The following PARP11 variants were observed in gnomAD, a reference collection of about 807,000 sequenced individuals.
PARP11 encodes poly(ADP-ribose) polymerase family member 11.
A neutral mutation model predicts 42.9 loss-of-function variants in PARP11; 31 were observed. The ratio of observed to expected loss-of-function variants is 0.72; its 90% CI spans 0.54 to 0.98. The LOEUF (loss-of-function observed/expected upper bound fraction) is 0.98, where lower values mean the gene tolerates loss of function less well. Among genes scored for constraint, PARP11 ranks in the 50% least tolerant of loss-of-function variants. PARP11 has a pLI of 0.00. For missense variants in PARP11, 365 were observed against 413.1 expected (o/e 0.88, Z 1.01); for synonymous variants, 137 against 127.3 (o/e 1.08, Z -0.51).
At position 3,868,215 on chromosome 12, in the gene PARP11, C is replaced by A. The variant is rs1328645383; in HGVS notation, c.18+4997G>T. On this transcript the variant is annotated intron_variant, in intron 1 of 7. Transcript: ENST00000228820. Reference sequence around the variant, plus strand: ...GTGGTTCACGACTGTAATCCCACCACTTTGGGAGGCCTAGGCGGGTGGATC... The same window carrying A: ...GTGGTTCACGACTGTAATCCCACCAATTTGGGAGGCCTAGGCGGGTGGATC... 3.3e-5 allele frequency among the ~76,000 whole-genome samples: 5 copies of A among 152,178 alleles called. No homozygotes were observed. The East Asian group carries it at 9.6e-4, about 29-fold the overall frequency.
chr12:3,847,577 T>C (rs571331977), intron 1 of PARP11, among the ~76,000 whole-genome samples: 1 of 152,246 alleles, frequency 6.6e-6, no homozygotes, highest in South Asian at 2.1e-4. Context: ...AAAAACCATA[T>C]AATCATTTTA....
intron 1 of PARP11, chr12:3,839,344 G>T (rs1333571196): frequency 3.9e-5 from 60 of 1,534,246 alleles, no homozygotes; most frequent in Non-Finnish European, 5.1e-5. Flanking sequence ...GGACCAGGGC[G>T]GCGCGGGGCC....
At chr12:3,842,204 C>A in intron 1 of PARP11, 3 of 1,607,646 alleles carry the variant, frequency 1.9e-6, no homozygotes, top group Non-Finnish European at 2.6e-6. Context: ...CTGGGGCCAA[C>A]TCTGTGGATA....
At chr12:3,829,058 T>C (rs992459129) in intron 2 of PARP11, 28 bp from the exon 3 acceptor site, 1 of 1,612,886 alleles carries the variant, frequency 6.2e-7, no homozygotes, top group East Asian at 2.2e-5. Context: ...AAGTTTCATT[T>C]ACCAGCTGTT....
At chr12:3,824,832 T>TTA (rs1947483691) in intron 4 of PARP11, among the ~76,000 whole-genome samples, 1 of 152,248 alleles carries the variant, frequency 6.6e-6, no homozygotes, top group South Asian at 2.1e-4. Context: ...TAAGTAATTC[T>TTA]TTTATTATAT....
intron 1 of PARP11, among the ~76,000 whole-genome samples, chr12:3,837,621 G>C (rs892520479): frequency 1.3e-5 from 2 of 151,836 alleles, no homozygotes; most frequent in Non-Finnish European, 2.9e-5. Flanking sequence ...AATGCAAATG[G>C]ACTCGCTTCT....
At chr12:3,846,064 A>G (rs1461613629) in intron 1 of PARP11, among the ~76,000 whole-genome samples, 1 of 152,092 alleles carries the variant, frequency 6.6e-6, no homozygotes, top group Non-Finnish European at 1.5e-5. Flanking sequence ...AAGTATATAT[A>G]CGTATCTTTT....
intron 1 of PARP11, chr12:3,839,484 T>C: frequency 6.2e-7 from 1 of 1,611,994 alleles, no homozygotes; most frequent in Non-Finnish European, 8.5e-7. Context: ...AGTCTCGCCA[T>C]GTTGAAGTCA....
At chr12:3,843,332 C>T (rs1565543597) in intron 1 of PARP11, among the ~76,000 whole-genome samples, 1 of 152,170 alleles carries the variant, frequency 6.6e-6, no homozygotes, top group Non-Finnish European at 1.5e-5. Flanking sequence ...AAATAATCTG[C>T]ATCAGTCAGA....
At chr12:3,869,990 C>T (rs1327278195) in intron 1 of PARP11, among the ~76,000 whole-genome samples, 3 of 152,104 alleles carry the variant, frequency 2.0e-5, no homozygotes, top group Admixed American at 6.6e-5. Context: ...AGGGATGATT[C>T]GTGGCCCCAG....
intron 2 of PARP11, among the ~76,000 whole-genome samples, 190 bp downstream of exon 2, chr12:3,829,700 T>C (rs1433995274): frequency 6.6e-6 from 1 of 152,214 alleles, no homozygotes; most frequent in Non-Finnish European, 1.5e-5. Context: ...TCTAAATAAA[T>C]GAGTGTGAAA....
chr12:3,826,715 G>C (rs1039339920), intron 3 of PARP11, among the ~76,000 whole-genome samples: 2 of 152,114 alleles, frequency 1.3e-5, no homozygotes, highest in African/African-American at 4.8e-5. Flanking sequence ...TACATTTCCT[G>C]ATTTCTCTTT....
chr12:3,853,369 T>A (rs181034391), intron 1 of PARP11, among the ~76,000 whole-genome samples: 1 of 152,146 alleles, frequency 6.6e-6, no homozygotes, highest in African/African-American at 2.4e-5. Flanking sequence ...GACCCATCAG[T>A]GTGCTGCATT....
intron 1 of PARP11, among the ~76,000 whole-genome samples, chr12:3,854,004 T>A (rs1948146517): frequency 6.6e-6 from 1 of 152,204 alleles, no homozygotes; most frequent in Non-Finnish European, 1.5e-5. Context: ...CACAACTGCA[T>A]GGAAACTGAA....
intron 1 of PARP11, among the ~76,000 whole-genome samples, chr12:3,859,986 G>A (rs557663354): frequency 5.9e-5 from 9 of 152,308 alleles, no homozygotes; most frequent in African/African-American, 2.2e-4. Context: ...CTGAAGGAGT[G>A]GCCTGGGTCC....
intron 1 of PARP11, chr12:3,841,774 C>G: frequency 6.2e-7 from 1 of 1,612,180 alleles, no homozygotes; most frequent in South Asian, 1.1e-5. Context: ...GTACCCTTTT[C>G]AGGGATTCAT....
chr12:3,829,161 C>T, intron 2 of PARP11, 131 bp from the exon 3 acceptor site: 1 of 864,296 alleles, frequency 1.2e-6, no homozygotes, highest in Non-Finnish European at 1.8e-6. Context: ...TGTTCTAGTT[C>T]CCAACACACA....
chr12:3,823,061 G>A (rs1159463962), intron 4 of PARP11, among the ~76,000 whole-genome samples: 1 of 152,160 alleles, frequency 6.6e-6, no homozygotes, highest in Admixed American at 6.5e-5. Flanking sequence ...GATGTTGAGG[G>A]ATTTAATAGC....
At chr12:3,832,508 T>G (rs1205285031) in intron 1 of PARP11, among the ~76,000 whole-genome samples, 1 of 152,246 alleles carries the variant, frequency 6.6e-6, no homozygotes, top group Non-Finnish European at 1.5e-5. Context: ...CCTATGTTGC[T>G]AACATTTAGT....
Sources: gnomAD v4.1 joint callset for allele counts (sites outside exome capture counted in the v4.1 genomes callset) on GRCh38, gnomAD v4.1.1 for gene constraint, MANE v1.5 for transcripts, NCBI Gene and HGNC (gene_info 2026-07-23, HGNC 2026-07-21) for gene names.